DNAJC11: variants seen among roughly 807,000 people sequenced by gnomAD.
The protein encoded by DNAJC11 is dnaJ homolog subfamily C member 11.
In DNAJC11, 15 loss-of-function variants were observed where a neutral mutation model predicts 78.6. The ratio of observed to expected loss-of-function variants is 0.19; its 90% CI spans 0.13 to 0.29. DNAJC11 has a LOEUF of 0.29. Ranked by LOEUF, DNAJC11 falls within the 10% of genes least tolerant of loss-of-function variation. DNAJC11 has a pLI of 1.00. For missense variants in DNAJC11, 547 were observed against 709.6 expected, an observed-to-expected ratio of 0.77 and a Z score of 2.60; for synonymous variants, 292 against 272.1, an observed-to-expected ratio of 1.07 and a Z score of -0.72.
intron 10 of DNAJC11, among the ~76,000 whole-genome samples, chr1:6,640,319 C>T (rs990541414): frequency 4.6e-5 from 7 of 152,186 alleles, no homozygotes; most frequent in Admixed American, 2.6e-4. Flanking sequence ...GAACACTTCA[C>T]GGGGTCAACG....
At chr1:6,690,106 C>A (rs1029857787) in intron 1 of DNAJC11, among the ~76,000 whole-genome samples, 1 of 152,030 alleles carries the variant, frequency 6.6e-6, no homozygotes, top group Non-Finnish European at 1.5e-5. Flanking sequence ...GACCCCTAAC[C>A]CGAAAGATTG....
intron 12 of DNAJC11, chr1:6,637,710 G>A (rs1641803675): frequency 6.5e-6 from 4 of 616,176 alleles, no homozygotes; most frequent in African/African-American, 5.5e-5. Context: ...TGGGTCAGAA[G>A]GTGAGAAGCA....
chr1:6,697,471 T>C (rs754048599), intron 1 of DNAJC11, among the ~76,000 whole-genome samples: 5 of 152,236 alleles, frequency 3.3e-5, no homozygotes, highest in Non-Finnish European at 7.3e-5. Flanking sequence ...ATCCCTTGCA[T>C]GTGCAGTTCC....
At chr1:6,648,423 T>C (rs1408318297) in intron 7 of DNAJC11, among the ~76,000 whole-genome samples, 2 of 152,194 alleles carry the variant, frequency 1.3e-5, no homozygotes, top group African/African-American at 4.8e-5. Flanking sequence ...CCCAAAGTGT[T>C]GGGATTACAG....
At position 6,655,828 on chromosome 1, in the gene DNAJC11, G is replaced by A. The variant is rs549505226; in HGVS notation, c.379-1789C>T. On this transcript the variant is annotated intron_variant, in intron 4 of 15. Coordinates refer to ENST00000377577, the MANE Select transcript of DNAJC11 (RefSeq NM_018198.4). ...TGTCTCAAAAACAAGAACAGGCCGG[G>A]TGTGGTGGCTCATGCCTGTAATCCC... 2.0e-5 allele frequency among the ~76,000 whole-genome samples: 3 copies of A among 151,570 alleles called. No homozygotes were observed. In the East Asian group the frequency reaches 5.8e-4, roughly 30 times the overall value.
intron 12 of DNAJC11, chr1:6,637,869 C>A (rs1466475309): frequency 1.2e-5 from 5 of 417,018 alleles, no homozygotes; most frequent in African/African-American, 2.0e-5. Flanking sequence ...AGCTGGAATC[C>A]CAGCTCCTCT....
At chr1:6,662,254 C>T (rs954949734) in intron 4 of DNAJC11, among the ~76,000 whole-genome samples, 7 of 151,052 alleles carry the variant, frequency 4.6e-5, no homozygotes, top group African/African-American at 1.5e-4. Context: ...AGTGCAGTGG[C>T]GCGATCTCGG....
At chr1:6,644,898 C>G in intron 9 of DNAJC11, 143 bp downstream of exon 9, 2 of 876,612 alleles carry the variant, frequency 2.3e-6, no homozygotes, top group Non-Finnish European at 3.8e-6. Flanking sequence ...AAATCCCCCA[C>G]AGCCTCAAAA....
At chr1:6,684,225 C>T (rs145687930) in intron 1 of DNAJC11, among the ~76,000 whole-genome samples, 13 of 152,032 alleles carry the variant, frequency 8.6e-5, no homozygotes, top group South Asian at 2.1e-4. Flanking sequence ...GGACTACAGG[C>T]GCACGCCACC....
intron 4 of DNAJC11, chr1:6,654,282 G>A (rs1405277530): frequency 1.1e-5 from 4 of 372,582 alleles, no homozygotes; most frequent in South Asian, 5.8e-5. Flanking sequence ...GAGCCGGTCC[G>A]CATGTCTGCA....
chr1:6,637,455 G>T lies in DNAJC11; in HGVS notation c.1373C>A (p.Ser458Tyr). Reference sequence around the variant, plus strand: ...AGGACACATGTTCTCACCCATTCTGGACTCTTCTGCCTCAATTATCCTTCG... The same window carrying T: ...AGGACACATGTTCTCACCCATTCTGTACTCTTCTGCCTCAATTATCCTTCG... ...SVRRIIEAEESRMGLIIVNAW... is the reference protein window; with the variant it reads ...SVRRIIEAEEYRMGLIIVNAW... Residue 458 changes from serine (S) to tyrosine (Y), a missense_variant, in exon 13 of 16, where the codon TCC (serine) becomes TAC (tyrosine). By Grantham distance (144) the Ser-to-Tyr change is moderately radical. Coordinates refer to ENST00000377577, the MANE Select transcript of DNAJC11 (RefSeq NM_018198.4). 2 of 1,614,184 alleles carry T rather than the reference G, an allele frequency of 1.2e-6. No homozygotes were observed. Among genetic ancestry groups the T allele is most frequent in the Non-Finnish European group, 1.7e-6 (2 of 1,180,036 alleles).
chr1:6,670,235 T>C (rs1023331101), intron 3 of DNAJC11, among the ~76,000 whole-genome samples: 2 of 152,080 alleles, frequency 1.3e-5, no homozygotes, highest in South Asian at 2.1e-4. Context: ...TACAAGCTTA[T>C]AGCAAAAAAT....
intron 1 of DNAJC11, among the ~76,000 whole-genome samples, chr1:6,701,312 C>T (rs139836034): frequency 8.3e-4 from 126 of 152,304 alleles, no homozygotes; most frequent in African/African-American, 3.0e-3. Context: ...GTGGGTGAGA[C>T]TCAGTTCGCC....
chr1:6,689,185 C>A (rs944018087), intron 1 of DNAJC11, among the ~76,000 whole-genome samples: 3 of 152,038 alleles, frequency 2.0e-5, no homozygotes, highest in Non-Finnish European at 4.4e-5. Flanking sequence ...CTGAAACAGA[C>A]AACAAACAAA....
intron 4 of DNAJC11, among the ~76,000 whole-genome samples, chr1:6,663,262 T>A (rs1225748122): frequency 1.3e-5 from 2 of 152,006 alleles, no homozygotes; most frequent in Non-Finnish European, 2.9e-5. Context: ...TAAAGCAATA[T>A]ATGCCCGCAG....
chr1:6,646,110 A>C, intron 7 of DNAJC11, 132 bp from the exon 8 acceptor site: 1 of 878,118 alleles, frequency 1.1e-6, no homozygotes. Flanking sequence ...CCCAGTAAAA[A>C]AAAAAGCAGG....
chr1:6,679,335 A>T (rs1187508845), intron 2 of DNAJC11, among the ~76,000 whole-genome samples: 3 of 152,236 alleles, frequency 2.0e-5, no homozygotes, highest in African/African-American at 2.4e-5. Context: ...AGACAAAAAC[A>T]TCTCTTATCA....
intron 2 of DNAJC11, among the ~76,000 whole-genome samples, chr1:6,679,713 A>G (rs201166): frequency 0.89 from 136,029 of 152,266 alleles, 61,082 homozygotes; most frequent in Admixed American, 0.95. Context: ...TCTCCCTTTA[A>G]GCTAAACATG....
chr1:6,665,714 A>T (rs1005835314), intron 4 of DNAJC11, among the ~76,000 whole-genome samples: 6 of 152,152 alleles, frequency 3.9e-5, no homozygotes, highest in Admixed American at 3.9e-4. Flanking sequence ...ACACACCCCC[A>T]GATGGCCGAT....
Sources: gnomAD v4.1 joint callset for allele counts (sites outside exome capture counted in the v4.1 genomes callset) on GRCh38, gnomAD v4.1.1 for gene constraint, MANE v1.5 for transcripts, NCBI Gene and HGNC (gene_info 2026-07-23, HGNC 2026-07-21) for gene names.